Variants in ZNF831 observed in about 807,000 individuals in gnomAD.
ZNF831 encodes chromosome 20 open reading frame 174.
Under a neutral mutation model 95.8 loss-of-function variants are expected in ZNF831, and 59 were observed. The observed-to-expected ratio is 0.62, with a 90% confidence interval of 0.50 to 0.77. ZNF831 has a LOEUF of 0.77. Ranked by LOEUF, ZNF831 falls within the 30% of genes least tolerant of loss-of-function variation. ZNF831 has a pLI of 0.00. For missense variants in ZNF831, 2,205 were observed against 2,164.0 expected (o/e 1.02, Z -0.38); for synonymous variants, 961 against 925.5 (o/e 1.04, Z -0.70).
At chr20:59,235,985 G>A (rs184875932) in intron 4 of ZNF831, among the ~76,000 whole-genome samples, 18 of 152,304 alleles carry the variant, frequency 1.2e-4, no homozygotes, top group Non-Finnish European at 2.2e-4. Context: ...AATTTTTGAA[G>A]GTTGCTTTTG....
rs779368758 is a variant in ZNF831 at position 59,191,393 on chromosome 20, C to T, written c.374C>T (p.Ser125Leu). ...ATCGTGGGCACTCTGCCTGTCCTGT[C>T]GCCGGGCCTGGGCCCCACGCTGGGC... Reference protein sequence around the residue: ...VNIVGTLPVLSPGLGPTLGSP... With the variant: ...VNIVGTLPVLLPGLGPTLGSP... The change falls in exon 2 of 6, where the codon TCG becomes TTG. Residue 125 changes from serine (S) to leucine (L), a missense_variant. Physicochemically the swap from Ser to Leu is moderately radical, Grantham distance 145 (BLOSUM62 -2). Transcript: ENST00000371030. The T allele has an allele frequency of 1.9e-6, 3 of 1,609,518 alleles. No individual in the cohort carries two copies. The highest frequency in any genetic ancestry group is 1.7e-5 in the Admixed American group (1 of 59,704).
At chr20:59,138,720 A>C (rs946994686) in intron 1 of ZNF831, among the ~76,000 whole-genome samples, 1 of 152,182 alleles carries the variant, frequency 6.6e-6, no homozygotes, top group African/African-American at 2.4e-5. Context: ...TGGCAACTGG[A>C]GATTGTCCAG....
intron 4 of ZNF831, among the ~76,000 whole-genome samples, chr20:59,209,285 C>T (rs944852458): frequency 1.3e-5 from 2 of 152,196 alleles, no homozygotes; most frequent in African/African-American, 4.8e-5. Context: ...TTAGCACATA[C>T]TGAGTGCCCA....
intron 4 of ZNF831, 26 bp downstream of exon 4, chr20:59,207,082 C>T (rs1984948897): frequency 2.5e-6 from 4 of 1,608,388 alleles, no homozygotes; most frequent in Non-Finnish European, 1.7e-6. Flanking sequence ...GAGGTGCATC[C>T]AGACTGGGCA....
chr20:59,251,049 T>C (rs1445623139), intron 4 of ZNF831, among the ~76,000 whole-genome samples: 2 of 152,120 alleles, frequency 1.3e-5, no homozygotes, highest in Admixed American at 6.5e-5. Context: ...TTGCTGAGAG[T>C]ATAAGTGTTC....
intron 1 of ZNF831, among the ~76,000 whole-genome samples, chr20:59,134,186 G>A (rs1002961107): frequency 5.9e-5 from 9 of 152,198 alleles, no homozygotes; most frequent in African/African-American, 2.2e-4. Flanking sequence ...GGCTGTAGCA[G>A]CCAGCAGATC....
intron 1 of ZNF831, among the ~76,000 whole-genome samples, chr20:59,175,219 T>C (rs76663147): frequency 0.091 from 11,815 of 129,306 alleles, 668 homozygotes; most frequent in Non-Finnish European, 0.12. Context: ...TTTGGGTTTA[T>C]CCTGGTGGTG....
chr20:59,135,457 C>T (rs748687827), intron 1 of ZNF831, among the ~76,000 whole-genome samples: 16 of 152,080 alleles, frequency 1.1e-4, no homozygotes, highest in African/African-American at 3.1e-4. Context: ...GGCAGCTGGG[C>T]GCAGTGGCTC....
intron 1 of ZNF831, among the ~76,000 whole-genome samples, chr20:59,180,962 A>G (rs1205367577): frequency 2.0e-5 from 3 of 152,182 alleles, no homozygotes; most frequent in Non-Finnish European, 2.9e-5. Context: ...TGTCTTCCAC[A>G]ATGGTTGAAC....
At chr20:59,199,040 T>C (rs1431307275) in intron 3 of ZNF831, among the ~76,000 whole-genome samples, 1 of 141,476 alleles carries the variant, frequency 7.1e-6, no homozygotes, top group African/African-American at 2.7e-5. Flanking sequence ...TCTGTCCATC[T>C]GCCCACCCAC....
At chr20:59,127,600 C>T (rs1165587408) in intron 1 of ZNF831, among the ~76,000 whole-genome samples, 1 of 152,198 alleles carries the variant, frequency 6.6e-6, no homozygotes. Context: ...CGGGCTCACT[C>T]CTACTTTATT....
chr20:59,205,017 C>T (rs971835293), intron 3 of ZNF831, among the ~76,000 whole-genome samples: 3 of 152,124 alleles, frequency 2.0e-5, no homozygotes, highest in African/African-American at 4.8e-5. Flanking sequence ...TGATGAAGTG[C>T]GAATTCAGAG....
At chr20:59,228,448 C>T (rs905996113) in intron 4 of ZNF831, among the ~76,000 whole-genome samples, 1 of 151,900 alleles carries the variant, frequency 6.6e-6, no homozygotes, top group African/African-American at 2.4e-5. Context: ...TGCCAACCAA[C>T]TTCCATGCTG....
chr20:59,231,731 C>T (rs1986733269), intron 4 of ZNF831, among the ~76,000 whole-genome samples: 1 of 152,180 alleles, frequency 6.6e-6, no homozygotes, highest in Admixed American at 6.5e-5. Context: ...TCCCCACTGT[C>T]CGCCCCTTGC....
chr20:59,221,076 C>T (rs1986040433), intron 4 of ZNF831, among the ~76,000 whole-genome samples: 1 of 152,178 alleles, frequency 6.6e-6, no homozygotes, highest in Admixed American at 6.5e-5. Flanking sequence ...GAGACAGTGA[C>T]TGTGAAAGTG....
At chr20:59,142,160 T>C (rs533429181) in intron 1 of ZNF831, among the ~76,000 whole-genome samples, 3 of 152,168 alleles carry the variant, frequency 2.0e-5, no homozygotes, top group African/African-American at 7.2e-5. Flanking sequence ...TCAACACAGT[T>C]GAGTGATGGG....
chr20:59,205,592 ATTT>A (rs765326988), intron 3 of ZNF831, among the ~76,000 whole-genome samples: 5 of 152,226 alleles, frequency 3.3e-5, no homozygotes, highest in Non-Finnish European at 5.9e-5. Context: ...CTTATTTAAA[ATTT>A]TGTGAGCGGC....
At chr20:59,139,337 A>G (rs903669356) in intron 1 of ZNF831, among the ~76,000 whole-genome samples, 1 of 152,146 alleles carries the variant, frequency 6.6e-6, no homozygotes, top group Non-Finnish European at 1.5e-5. Context: ...ACTGTATTTC[A>G]TTATCTCTGA....
intron 3 of ZNF831, among the ~76,000 whole-genome samples, chr20:59,202,419 T>C (rs754921037): frequency 1.6e-4 from 25 of 151,956 alleles, no homozygotes; most frequent in Non-Finnish European, 3.5e-4. Flanking sequence ...CTGTTTTATA[T>C]ATTTGCTCTC....
Sources: gnomAD v4.1 joint callset for allele counts (sites outside exome capture counted in the v4.1 genomes callset) on GRCh38, gnomAD v4.1.1 for gene constraint, MANE v1.5 for transcripts, NCBI Gene and HGNC (gene_info 2026-07-23, HGNC 2026-07-21) for gene names.